KRTAP5-3: variants seen among roughly 807,000 people sequenced by gnomAD.
KRTAP5-3 encodes keratin-associated protein 5-3.
A neutral mutation model predicts 2.3 loss-of-function variants in KRTAP5-3; 1 was observed. The ratio of observed to expected loss-of-function variants is 0.44; its 90% confidence interval spans 0.16 to 2.10. The LOEUF (loss-of-function observed/expected upper bound fraction) is 2.10. KRTAP5-3 is among the 30% of genes most tolerant of loss of function. The pLI is 0.28. For missense variants in KRTAP5-3, 229 were observed against 291.4 expected (o/e 0.79, Z 1.56); for synonymous variants, 92 against 117.6 (o/e 0.78, Z 1.41).
rs765140818 is a variant in KRTAP5-3 at position 1,608,279 on chromosome 11, C to G, written c.107G>C (p.Cys36Ser). The change falls in exon 1 of 1, where the codon TGT becomes TCT. Residue 36 changes from cysteine to serine, a missense_variant. Physicochemically the swap from Cys to Ser is moderately radical, Grantham distance 112. Coordinates refer to ENST00000399685, the MANE Select transcript of KRTAP5-3 (RefSeq NM_001012708.2). The stretch of plus-strand genomic sequence containing the variant: ...GGGCTTGCAGCAGCAGACAGGTACA[C>G]AGCAGCCGGAGCCACAGCCCCCATA... ...SGYGGCGSGCCVPVCCCKPVC... is the reference protein window; with the variant it reads ...SGYGGCGSGCSVPVCCCKPVC... The G allele has an allele frequency of 1.2e-6, 2 of 1,612,232 alleles. No individual in the cohort carries two copies. Among genetic ancestry groups the G allele is most frequent in the South Asian group, 2.2e-5 (2 of 90,984 alleles).
At position 1,608,095 on chromosome 11, in the gene KRTAP5-3, G is replaced by T. The variant is rs1183230182; in HGVS notation, c.291C>A (p.Cys97Ter). ...CGSSCCVPVC[C>*]SSSCGSCGGS... ...CCCCACAGGAGCCACAGCTGGAGGA[G>T]CAGCAGACGGGCACACAGCAGCTGG... Residue 97 changes from cysteine (C) to a stop codon, truncating the protein, a stop_gained, in exon 1 of 1, where the codon TGC (cysteine) becomes TGA (stop). Coordinates refer to ENST00000399685, the MANE Select transcript of KRTAP5-3 (RefSeq NM_001012708.2). LOFTEE classifies it low-confidence loss of function (END_TRUNC). 1.9e-6 allele frequency: 3 copies of T among 1,606,030 alleles called. No homozygotes were observed. Among genetic ancestry groups the T allele is most frequent in the Non-Finnish European group, 2.5e-6 (3 of 1,178,474 alleles).
At position 1,607,708 on chromosome 11, in the gene KRTAP5-3, G is replaced by A. The variant is rs748435370; in HGVS notation, c.678C>T (p.Ser226=). 3.1e-6 allele frequency: 5 copies of A among 1,612,210 alleles called. No individual in the cohort carries two copies. Among genetic ancestry groups the A allele is most frequent in the Non-Finnish European group, 4.2e-6 (5 of 1,179,036 alleles). ...GGCAGCAAATTGGGACACAGCAGCT[G>A]GACTGGGAGGAGCAGGGCTTGCAGC... ...SSCCKPCSSQ[S]SCCVPICCQC... is the part of the protein sequence containing the mutation. The change falls in exon 1 of 1, where the codon TCC becomes TCT. Residue 226 remains serine, a synonymous_variant. Coordinates refer to ENST00000399685, the MANE Select transcript of KRTAP5-3 (RefSeq NM_001012708.2).
rs1220792402 is a variant in KRTAP5-3, at chr11:1,608,225, C to A, written c.161G>T (p.Cys54Phe). 1.9e-6 allele frequency: 3 copies of A among 1,605,242 alleles called. No homozygotes were observed. In the South Asian group the frequency reaches 3.3e-5, roughly 18 times the overall value. ...GCCCCCACAGGAGCCACAGCTGGAG[C>A]AGGAACAGGCTGGCACACAGCAGCA... is the stretch of plus-strand genomic sequence containing the variant. ...PVCCCVPACSCSSCGSCGGSK... is the reference protein window; with the variant it reads ...PVCCCVPACSFSSCGSCGGSK... Residue 54 changes from cysteine (C) to phenylalanine (F), a missense_variant, in exon 1 of 1, where the codon TGC becomes TTC. This residue lies in a region of KRTAP5-3 where 190 missense variants were observed against 207.6 expected (regional missense o/e 0.92). Transcript: ENST00000399685.
Position 1,608,307 on chromosome 11 carries a change from C to T in KRTAP5-3, c.79G>A (p.Gly27Ser), listed in dbSNP as rs7129002. 3.3e-5 allele frequency: 53 copies of T among 1,608,736 alleles called. 1 individual carries two copies. Among genetic ancestry groups the T allele is most frequent in the South Asian group, 1.1e-4 (10 of 90,768 alleles). Reference sequence around the variant, plus strand: ...CAGCCGGAGCCACAGCCCCCATAGCCGGAGCCACAGCCCCCACAGCTGGAG... The same window carrying T: ...CAGCCGGAGCCACAGCCCCCATAGCTGGAGCCACAGCCCCCACAGCTGGAG... ...CGSSCGGCGS[G>S]YGGCGSGCCV... The change falls in exon 1 of 1, where the codon GGC becomes AGC. Residue 27 changes from glycine to serine, a missense_variant. Around this residue, in one of 2 missense-constraint regions of KRTAP5-3, gnomAD observed 190 missense variants for 207.6 expected, o/e 0.92. Transcript: ENST00000399685.
rs1564955825 is a variant in KRTAP5-3, at chr11:1,608,299, C to G, written c.87G>C (p.Gly29=). The change falls in exon 1 of 1, where the codon GGG becomes GGC. Residue 29 remains glycine, a synonymous_variant. Coordinates refer to ENST00000399685, the MANE Select transcript of KRTAP5-3 (RefSeq NM_001012708.2). ...SSCGGCGSGY[G]GCGSGCCVPV... ...GTACACAGCAGCCGGAGCCACAGCC[C>G]CCATAGCCGGAGCCACAGCCCCCAC... The G allele has an allele frequency of 9.9e-6, 16 of 1,610,428 alleles. No individual in the cohort carries two copies. The highest frequency in any genetic ancestry group is 1.4e-5 in the Non-Finnish European group (16 of 1,179,362).
chr11:1,608,126 C>T lies in KRTAP5-3; in HGVS notation c.260G>A (p.Cys87Tyr). ...GACGGGCACACAGCAGCTGGAGCCA[C>T]AGCCCCCCTTGGAGCCTCCACAGGA... ...CGSCGGSKGG[C>Y]GSSCCVPVCC... is the part of the protein sequence containing the mutation. The change falls in exon 1 of 1, where the codon TGT (cysteine) becomes TAT (tyrosine). Residue 87 changes from cysteine to tyrosine, a missense_variant. Cys to Tyr is a radical substitution (Grantham distance 194, BLOSUM62 -2). Transcript: ENST00000399685. 6.2e-7 allele frequency: 1 copy of T among 1,604,558 alleles called. No individual in the cohort carries two copies. Among genetic ancestry groups the T allele is most frequent in the Non-Finnish European group, 8.5e-7 (1 of 1,176,320 alleles).
rs765057796 is a variant in KRTAP5-3, at chr11:1,608,203, C to T, written c.183G>A (p.Gly61=). Residue 61 remains glycine, a synonymous_variant, in exon 1 of 1, where the codon GGG becomes GGA. Transcript: ENST00000399685. ...ACSCSSCGSC[G]GSKGVCGSCG... ...AAGAGCCACAGACCCCCTTGGAGCC[C>T]CCACAGGAGCCACAGCTGGAGCAGG... is the stretch of plus-strand genomic sequence containing the variant. The T allele has an allele frequency of 6.2e-7, 1 of 1,604,064 alleles. No homozygotes were observed. The highest frequency in any genetic ancestry group is 8.5e-7 in the Non-Finnish European group (1 of 1,177,154).
At position 1,608,233 on chromosome 11, in the gene KRTAP5-3, G is replaced by C. The variant is rs1452732506; in HGVS notation, c.153C>G (p.Ala51=). The C allele has an allele frequency of 8.1e-6, 13 of 1,608,998 alleles. No individual in the cohort carries two copies. The South Asian group carries it at 1.3e-4, about 16-fold the overall frequency. The part of the protein sequence containing the change: ...CCKPVCCCVP[A]CSCSSCGSCG... ...AGGAGCCACAGCTGGAGCAGGAACA[G>C]GCTGGCACACAGCAGCACACGGGCT... Residue 51 remains alanine (A), a synonymous_variant, in exon 1 of 1, where the codon GCC becomes GCG. Transcript: ENST00000399685.
At position 1,608,024 on chromosome 11, in the gene KRTAP5-3, C is replaced by G; in HGVS notation, c.362G>C (p.Cys121Ser). 1 of 1,613,268 alleles carries G rather than the reference C, an allele frequency of 6.2e-7. No individual in the cohort carries two copies. The highest frequency in any genetic ancestry group is 8.5e-7 in the Non-Finnish European group (1 of 1,179,686). ...GCACTGGGAGCAGCCACAAGAACCG[C>G]AGCCCCCCTTGGAGCCCCCACGAAA... The part of the protein sequence containing the change: ...CGFRGGSKGG[C>S]GSCGCSQCSC... Residue 121 changes from cysteine to serine, a missense_variant, in exon 1 of 1, where the codon TGC (cysteine) becomes TCC (serine). Coordinates refer to ENST00000399685, the MANE Select transcript of KRTAP5-3 (RefSeq NM_001012708.2).
chr11:1,608,045 C>T lies in KRTAP5-3; in HGVS notation c.341G>A (p.Arg114His), dbSNP rs369891803. The change falls in exon 1 of 1, where the codon CGT becomes CAT. Residue 114 changes from arginine to histidine, a missense_variant. By Grantham distance (29) the Arg-to-His change is conservative (BLOSUM62 0). Coordinates refer to ENST00000399685, the MANE Select transcript of KRTAP5-3 (RefSeq NM_001012708.2). ...CGGSKGVCGF[R>H]GGSKGGCGSC... ...ACCGCAGCCCCCCTTGGAGCCCCCA[C>T]GAAATCCACAGACCCCCTTGGAACC... The T allele has an allele frequency of 5.7e-5, 89 of 1,570,308 alleles. No individual in the cohort carries two copies. The highest frequency in any genetic ancestry group is 1.9e-4 in the Middle Eastern group (1 of 5,308).
Position 1,608,454 on chromosome 11 carries a change from C to T in KRTAP5-3, c.-69G>A. 4 of 1,584,244 alleles carry T rather than the reference C, an allele frequency of 2.5e-6. No individual in the cohort carries two copies. The highest frequency in any genetic ancestry group is 2.2e-5 in the East Asian group (1 of 44,680). On this transcript the variant is annotated 5_prime_UTR_variant, in exon 1 of 1. Coordinates refer to ENST00000399685, the MANE Select transcript of KRTAP5-3 (RefSeq NM_001012708.2). ...GAGGGAGGTGTGCAGGTGTGGAGTTCTCTGAGCCCGGGCTCTTTATATTCC... is the reference window on the plus strand; with the variant it reads ...GAGGGAGGTGTGCAGGTGTGGAGTTTTCTGAGCCCGGGCTCTTTATATTCC...
In KRTAP5-3 at chr11:1,608,394, T is replaced by C. The variant is rs778086331; in HGVS notation, c.-9A>G. ...CAGCCAGAGCAGCCCATGGTTCTGG[T>C]GGGTTGAGGGTGGAGCAGGTAGAGG... is the stretch of plus-strand genomic sequence containing the variant. On this transcript the variant is annotated 5_prime_UTR_variant, in exon 1 of 1. Coordinates refer to ENST00000399685, the MANE Select transcript of KRTAP5-3 (RefSeq NM_001012708.2). 63 of 1,611,208 alleles carry C rather than the reference T, an allele frequency of 3.9e-5. 2 individuals are homozygous for C. In the South Asian group the frequency reaches 6.1e-4, roughly 15 times the overall value.
In KRTAP5-3 at chr11:1,607,966, G is replaced by T; in HGVS notation, c.420C>A (p.Gly140=). ...TGGACTGGCAGCAGGATGACCCACAGCCTGAGGAGCAGCAGCAGGGCTTAT... is the reference window on the plus strand; with the variant it reads ...TGGACTGGCAGCAGGATGACCCACATCCTGAGGAGCAGCAGCAGGGCTTAT... The part of the protein sequence containing the change: ...SCYKPCCCSS[G]CGSSCCQSSC... Residue 140 remains glycine, a synonymous_variant, in exon 1 of 1, where the codon GGC becomes GGA. Transcript: ENST00000399685. 2 of 1,613,668 alleles carry T rather than the reference G, an allele frequency of 1.2e-6. No homozygotes were observed. Among genetic ancestry groups the T allele is most frequent in the Middle Eastern group, 1.7e-4 (1 of 6,050 alleles).
At position 1,608,324 on chromosome 11, in the gene KRTAP5-3, C is replaced by G; in HGVS notation, c.62G>C (p.Cys21Ser). Reference sequence around the variant, plus strand: ...CCCATAGCCGGAGCCACAGCCCCCACAGCTGGAGCCACAGCCCCCACAGCT... The same window carrying G: ...CCCATAGCCGGAGCCACAGCCCCCAGAGCTGGAGCCACAGCCCCCACAGCT... ...GSSCGGCGSSCGGCGSGYGGC... is the reference protein window; with the variant it reads ...GSSCGGCGSSSGGCGSGYGGC... The change falls in exon 1 of 1, where the codon TGT (cysteine) becomes TCT (serine). Residue 21 changes from cysteine (C) to serine (S), a missense_variant. This residue lies in a region of KRTAP5-3 where 190 missense variants were observed against 207.6 expected (regional missense o/e 0.92). Transcript: ENST00000399685. 1 of 1,609,838 alleles carries G rather than the reference C, an allele frequency of 6.2e-7. No homozygotes were observed. The highest frequency in any genetic ancestry group is 1.1e-5 in the South Asian group (1 of 90,914).
At position 1,607,937 on chromosome 11, in the gene KRTAP5-3, C is replaced by T. The variant is rs368863798; in HGVS notation, c.449G>A (p.Cys150Tyr). ...GCGSSCCQSS[C>Y]CKPSCSQSSC... ...GGACTGGGAGCAGCTGGGCTTGCAG[C>T]AGCTGGACTGGCAGCAGGATGACCC... The change falls in exon 1 of 1, where the codon TGC (cysteine) becomes TAC (tyrosine). Residue 150 changes from cysteine (C) to tyrosine (Y), a missense_variant. Cys to Tyr is a radical substitution (Grantham distance 194). Transcript: ENST00000399685. 2.4e-5 allele frequency: 39 copies of T among 1,613,842 alleles called. No individual in the cohort carries two copies. In the South Asian group the frequency reaches 4.2e-4, roughly 17 times the overall value.
At position 1,607,662 on chromosome 11, in the gene KRTAP5-3, C is replaced by T. The variant is rs1015564780; in HGVS notation, c.*7G>A. 4 of 1,614,122 alleles carry T rather than the reference C, an allele frequency of 2.5e-6. No individual in the cohort carries two copies. The South Asian group carries it at 3.3e-5, about 13-fold the overall frequency. ...TGTAGGACCCACTGAGGTTTGTGGG[C>T]AGAGCCTCAGATCTTGCACTGGCAG... On this transcript the variant is annotated 3_prime_UTR_variant, in exon 1 of 1. Coordinates refer to ENST00000399685, the MANE Select transcript of KRTAP5-3 (RefSeq NM_001012708.2).
chr11:1,608,091 A>G lies in KRTAP5-3; in HGVS notation c.295T>C (p.Ser99Pro). 6.6e-7 allele frequency: 1 copy of G among 1,523,272 alleles called. No individual in the cohort carries two copies. The highest frequency in any genetic ancestry group is 8.9e-7 in the Non-Finnish European group (1 of 1,129,028). 94.4% of individuals were successfully genotyped at this position (1,523,272 alleles called of 1,614,324 possible). Residue 99 changes from serine (S) to proline (P), a missense_variant, in exon 1 of 1, where the codon TCC becomes CCC. Ser to Pro is a moderately conservative substitution (Grantham distance 74). Transcript: ENST00000399685. The part of the protein sequence containing the change: ...SSCCVPVCCS[S>P]SCGSCGGSKG... ...GAACCCCCACAGGAGCCACAGCTGG[A>G]GGAGCAGCAGACGGGCACACAGCAG...
Position 1,607,949 on chromosome 11 carries a change from C to G in KRTAP5-3, c.437G>C (p.Cys146Ser), listed in dbSNP as rs747247010. 1.2e-6 allele frequency: 2 copies of G among 1,613,786 alleles called. No individual in the cohort carries two copies. The highest frequency in any genetic ancestry group is 8.5e-7 in the Non-Finnish European group (1 of 1,179,866). ...CCSSGCGSSCCQSSCCKPSCS... is the reference protein window; with the variant it reads ...CCSSGCGSSCSQSSCCKPSCS... ...GCTGGGCTTGCAGCAGCTGGACTGG[C>G]AGCAGGATGACCCACAGCCTGAGGA... Residue 146 changes from cysteine (C) to serine (S), a missense_variant, in exon 1 of 1, where the codon TGC becomes TCC. Around this residue, in one of 2 missense-constraint regions of KRTAP5-3, gnomAD observed 190 missense variants for 207.6 expected, o/e 0.92. Coordinates refer to ENST00000399685, the MANE Select transcript of KRTAP5-3 (RefSeq NM_001012708.2).
At position 1,607,703 on chromosome 11, in the gene KRTAP5-3, C is replaced by G; in HGVS notation, c.683G>C (p.Cys228Ser). 1 of 1,612,138 alleles carries G rather than the reference C, an allele frequency of 6.2e-7. No individual in the cohort carries two copies. Among genetic ancestry groups the G allele is most frequent in the Middle Eastern group, 1.7e-4 (1 of 6,056 alleles). ...GCACTGGCAGCAAATTGGGACACAG[C>G]AGCTGGACTGGGAGGAGCAGGGCTT... is the stretch of plus-strand genomic sequence containing the variant. ...CCKPCSSQSS[C>S]CVPICCQCKI Residue 228 changes from cysteine to serine, a missense_variant, in exon 1 of 1, where the codon TGC (cysteine) becomes TCC (serine). Transcript: ENST00000399685.
Sources: gnomAD v4.1 joint callset for allele counts on GRCh38, gnomAD v4.1.1 for gene constraint, gnomAD v4.1.1 regional missense constraint, MANE v1.5 for transcripts, NCBI Gene and HGNC (gene_info 2026-07-23, HGNC 2026-07-21) for gene names.